The following PHF3 variants were observed in gnomAD, a reference collection of about 807,000 sequenced individuals.
PHF3 encodes the protein PHD finger protein 3.
In PHF3, 41 loss-of-function variants were observed where a neutral mutation model predicts 178.4. The observed-to-expected ratio is 0.23, with a 90% confidence interval of 0.18 to 0.30. PHF3 has a LOEUF of 0.30. Ranked by LOEUF, PHF3 falls within the 10% of genes least tolerant of loss-of-function variation. The probability of loss-of-function intolerance (pLI) is 1.00; values close to 1 mark genes in which losing one functional copy is unlikely to be tolerated. For missense variants in PHF3, 2,346 were observed against 2,398.1 expected, an observed-to-expected ratio of 0.98 and a Z score of 0.45; for synonymous variants, 842 against 800.5, an observed-to-expected ratio of 1.05 and a Z score of -0.88.
chr6:63,685,324 A>T lies in PHF3; in HGVS notation c.1602A>T (p.Val534=). ...AAAGTGTGAAACGAAATACTGATGTACCAGAATCTCAGCAAAATTTTCATA... is the reference window on the plus strand; with the variant it reads ...AAAGTGTGAAACGAAATACTGATGTTCCAGAATCTCAGCAAAATTTTCATA... ...NVKSVKRNTD[V]PESQQNFHRP... The change falls in exon 4 of 16, where the codon GTA becomes GTT. Residue 534 remains valine, a synonymous_variant. Coordinates refer to ENST00000262043, the MANE Select transcript of PHF3 (RefSeq NM_001370348.2). 6.2e-7 allele frequency: 1 copy of T among 1,614,122 alleles called. No individual in the cohort carries two copies. Among genetic ancestry groups the T allele is most frequent in the South Asian group, 1.1e-5 (1 of 91,076 alleles).
intron 4 of PHF3, among the ~76,000 whole-genome samples, chr6:63,691,175 A>G (rs188928105): frequency 1.3e-5 from 2 of 152,320 alleles, no homozygotes; most frequent in East Asian, 3.9e-4. Flanking sequence ...TATCTAGGTA[A>G]GGTGGCTAAT....
intron 1 of PHF3, among the ~76,000 whole-genome samples, chr6:63,644,799 C>G (rs1007586567): frequency 1.3e-5 from 2 of 151,810 alleles, no homozygotes; most frequent in Non-Finnish European, 2.9e-5. Context: ...AGATTTAGGA[C>G]ATTTCCGTCA....
Position 63,719,211 on chromosome 6 carries a change from A to C in PHF3, c.*5503A>C, listed in dbSNP as rs1768280278. On this transcript the variant is annotated 3_prime_UTR_variant, in exon 16 of 16. Coordinates refer to ENST00000262043, the MANE Select transcript of PHF3 (RefSeq NM_001370348.2). The stretch of plus-strand genomic sequence containing the variant: ...GAATGTCTGTAGCCTTTTGATTGGA[A>C]TGGAGTGGCTAAAATAAGACAAAAA... 6.6e-6 allele frequency among the ~76,000 whole-genome samples: 1 copy of C among 152,066 alleles called. No homozygotes were observed. The highest frequency in any genetic ancestry group is 2.4e-5 in the African/African-American group (1 of 41,446).
chr6:63,686,433 ATTGT>A (rs1766710416), intron 4 of PHF3: 1 of 152,290 alleles, frequency 6.6e-6, no homozygotes. Context: ...CAGCTAAACA[ATTGT>A]TAGATTACCC....
At chr6:63,702,259 C>A in intron 9 of PHF3, 1 of 209,412 alleles carries the variant, frequency 4.8e-6, no homozygotes, top group Non-Finnish European at 9.5e-6. Context: ...CATTTGCCTC[C>A]TGATATAAAT....
rs1280560125 is a variant in PHF3 at position 63,674,325 on chromosome 6, G to GTA, written c.245-5666_245-5665dup. Among the ~76,000 whole-genome samples, 6 of 852 alleles carry GTA rather than the reference G, an allele frequency of 7.0e-3. No individual in the cohort carries two copies. The East Asian group carries it at 0.14, about 20-fold the overall frequency. The allele number at this position is 852 out of a possible 152,430, so 0.6% of individuals were successfully genotyped here. A position where few individuals can be genotyped will look rare whatever the true frequency, so the allele number is the denominator to read the frequency against. On this transcript the variant is annotated intron_variant, in intron 2 of 15. Coordinates refer to ENST00000262043, the MANE Select transcript of PHF3 (RefSeq NM_001370348.2). ...ATATACACACACACATATATATGGTGTATATATATACCATCTTCAACTCAG... is the reference window on the plus strand; with the variant it reads ...ATATACACACACACATATATATGGTGTATATATATATACCATCTTCAACTCAG...
chr6:63,694,622 T>C lies in PHF3; in HGVS notation c.2538T>C (p.Asn846=). Reference sequence around the variant, plus strand: ...GAAATTCATCAGACTGTAGAGATAATGAAATTAAAAAATGGCAGCTAGCTC... The same window carrying C: ...GAAATTCATCAGACTGTAGAGATAACGAAATTAAAAAATGGCAGCTAGCTC... ...EGRNSSDCRD[N]EIKKWQLAPL... The change falls in exon 6 of 16, where the codon AAT becomes AAC. Residue 846 remains asparagine, a synonymous_variant. Coordinates refer to ENST00000262043, the MANE Select transcript of PHF3 (RefSeq NM_001370348.2). The C allele has an allele frequency of 6.3e-7, 1 of 1,579,898 alleles. No homozygotes were observed. The highest frequency in any genetic ancestry group is 8.6e-7 in the Non-Finnish European group (1 of 1,161,654).
intron 2 of PHF3, among the ~76,000 whole-genome samples, chr6:63,665,487 T>TTG (rs1491133481): frequency 4.1e-5 from 2 of 48,834 alleles, no homozygotes; most frequent in Admixed American, 4.6e-4. Flanking sequence ...TTTTTTTTTG[T>TTG]TTTTTTTTTT....
chr6:63,698,223 G>T lies in PHF3; in HGVS notation c.2681G>T (p.Gly894Val), dbSNP rs35677001. 2,515 of 1,603,498 alleles carry T rather than the reference G, an allele frequency of 1.6e-3. 25 individuals carry two copies. The African/African-American group carries it at 0.029, about 19-fold the overall frequency. The change falls in exon 7 of 16, where the codon GGT (glycine) becomes GTT (valine). Residue 894 changes from glycine to valine, a missense_variant and splice_region_variant. Transcript: ENST00000262043. ...TCTGEKASKP[G>V]THEKQEMKKK... ...GAGTTTCGATATTTATTCAAATTAG[G>T]TACTCATGAGAAGCAAGAGATGAAA...
At chr6:63,654,701 T>C (rs922232350) in intron 2 of PHF3, among the ~76,000 whole-genome samples, 3 of 151,984 alleles carry the variant, frequency 2.0e-5, no homozygotes, top group Non-Finnish European at 4.4e-5. Context: ...AAGACCTAGG[T>C]CCCTTAGGCA....
At chr6:63,681,605 T>C (rs1338812739) in intron 3 of PHF3, among the ~76,000 whole-genome samples, 1 of 152,092 alleles carries the variant, frequency 6.6e-6, no homozygotes. Flanking sequence ...GTTGTTGTTT[T>C]GAGAATGGTC....
chr6:63,681,348 G>A (rs1340015559), intron 3 of PHF3, among the ~76,000 whole-genome samples: 1 of 151,922 alleles, frequency 6.6e-6, no homozygotes, highest in East Asian at 1.9e-4. Context: ...TCTGAAAAAT[G>A]TTATTGTTCA....
In PHF3 at chr6:63,651,204, T is replaced by A. The variant is rs115096490; in HGVS notation, c.244+4409T>A. 2.9e-3 allele frequency among the ~76,000 whole-genome samples: 439 copies of A among 152,298 alleles called. 5 individuals carry two copies. The highest frequency in any genetic ancestry group is 0.01 in the African/African-American group (426 of 41,552). Reference sequence around the variant, plus strand: ...TGATCAAATTAGGTTAATTTGCATATTTATCAGCTCAAATATTTGTCATTT... The same window carrying A: ...TGATCAAATTAGGTTAATTTGCATAATTATCAGCTCAAATATTTGTCATTT... On this transcript the variant is annotated intron_variant, in intron 2 of 15. Coordinates refer to ENST00000262043, the MANE Select transcript of PHF3 (RefSeq NM_001370348.2).
chr6:63,678,489 T>A (rs1477122224), intron 2 of PHF3, among the ~76,000 whole-genome samples: 1 of 152,190 alleles, frequency 6.6e-6, no homozygotes, highest in East Asian at 1.9e-4. Flanking sequence ...AGCAGGAAAT[T>A]TGGAAAATAG....
chr6:63,663,345 T>C (rs1765547588), intron 2 of PHF3, among the ~76,000 whole-genome samples: 1 of 152,100 alleles, frequency 6.6e-6, no homozygotes, highest in Admixed American at 6.5e-5. Flanking sequence ...ATCCTAGAAA[T>C]AGGATAGCTT....
At chr6:63,675,967 C>T (rs781773403) in intron 2 of PHF3, among the ~76,000 whole-genome samples, 1 of 152,270 alleles carries the variant, frequency 6.6e-6, no homozygotes, top group African/African-American at 2.4e-5. Context: ...CTTTGTGTAG[C>T]AGTTAACCTT....
chr6:63,645,659 T>C (rs1379722049), intron 1 of PHF3, among the ~76,000 whole-genome samples: 2 of 152,188 alleles, frequency 1.3e-5, no homozygotes, highest in Non-Finnish European at 2.9e-5. Context: ...TAAAATATGT[T>C]GATTCAGTTT....
At chr6:63,642,339 A>G (rs1764612167) in intron 1 of PHF3, among the ~76,000 whole-genome samples, 1 of 152,184 alleles carries the variant, frequency 6.6e-6, no homozygotes, top group South Asian at 2.1e-4. Context: ...TCAATACGGC[A>G]TTTAGCATTT....
At chr6:63,675,898 T>G (rs1766144150) in intron 2 of PHF3, among the ~76,000 whole-genome samples, 1 of 152,216 alleles carries the variant, frequency 6.6e-6, no homozygotes, top group Non-Finnish European at 1.5e-5. Context: ...TCTTAACTCC[T>G]TCTCATCTGA....
Sources: allele counts gnomAD v4.1 joint callset (sites outside exome capture counted in the v4.1 genomes callset), GRCh38; gene constraint gnomAD v4.1.1; transcripts MANE v1.5; gene names NCBI Gene and HGNC (gene_info 2026-07-23, HGNC 2026-07-21).